NOL7: variants seen among roughly 807,000 people sequenced by gnomAD.
NOL7 encodes the protein nucleolar protein 7.
Under a neutral mutation model 38.4 loss-of-function variants are expected in NOL7, and 36 were observed. The ratio of observed to expected loss-of-function variants is 0.94; its 90% CI spans 0.72 to 1.24. NOL7 has a LOEUF of 1.24. Ranked by LOEUF, NOL7 falls within the 50% of genes most tolerant of loss-of-function variation. NOL7 has a pLI of 0.00. For missense variants in NOL7, 350 were observed against 315.1 expected (o/e 1.11, Z -0.84); for synonymous variants, 142 against 126.5 (o/e 1.12, Z -0.82).
chr6:13,631,110 A>C (rs1452488934), intron 8 of NOL7, among the ~76,000 whole-genome samples: 5 of 152,116 alleles, frequency 3.3e-5, no homozygotes, highest in Non-Finnish European at 5.9e-5. Flanking sequence ...GCCCGGCCTG[A>C]TTTGACTTTT....
At chr6:13,618,698 T>C (rs1303084322) in intron 5 of NOL7, among the ~76,000 whole-genome samples, 3 of 152,026 alleles carry the variant, frequency 2.0e-5, no homozygotes, top group Non-Finnish European at 4.4e-5. Flanking sequence ...AAGACCAGCC[T>C]AGGCAACATG....
downstream of NOL7, among the ~76,000 whole-genome samples, chr6:13,626,410 C>T (rs578066914): frequency 2.2e-4 from 34 of 152,278 alleles, no homozygotes; most frequent in African/African-American, 6.7e-4. Context: ...GGCTTCAAGT[C>T]CAAGCTCCAC....
At chr6:13,620,161 A>G in intron 5 of NOL7, 47 bp from the exon 6 acceptor site, 1 of 1,572,228 alleles carries the variant, frequency 6.4e-7, no homozygotes, top group Non-Finnish European at 8.6e-7. Flanking sequence ...AAAAAAAAGA[A>G]AGTAAGCATG....
intron 3 of NOL7, 26 bp downstream of exon 3, chr6:13,616,547 C>T (rs1380478933): frequency 1.3e-6 from 2 of 1,501,966 alleles, no homozygotes; most frequent in East Asian, 2.3e-5. Flanking sequence ...TTTTATATTA[C>T]TTGCTTATAT....
At chr6:13,622,321 CTA>C (rs1266431211), downstream of NOL7, 4 of 1,458,934 alleles carry the variant, frequency 2.7e-6, no homozygotes, top group East Asian at 4.9e-5. Context: ...TCCATGTTGA[CTA>C]TATGCCACAA....
At chr6:13,622,498 G>A (rs755294768), downstream of NOL7, 1 of 1,550,564 alleles carries the variant, frequency 6.4e-7, no homozygotes, top group Admixed American at 2.1e-5. Flanking sequence ...GGTTTCTGAG[G>A]AAAAATAATT....
downstream of NOL7, chr6:13,622,329 C>T (rs1764474392): frequency 2.0e-6 from 3 of 1,468,514 alleles, no homozygotes; most frequent in Non-Finnish European, 2.7e-6. Flanking sequence ...GACTATATGC[C>T]ACAATATAAG....
chr6:13,632,304 G>A, intron 8 of NOL7: 1 of 1,523,538 alleles, frequency 6.6e-7, no homozygotes, highest in Non-Finnish European at 8.9e-7. Context: ...ACTGCTCAGT[G>A]TTTCACAAAA....
rs1044501947 is a variant in NOL7, at chr6:13,620,153, A to G, written c.501-55A>G. On this transcript the variant is annotated intron_variant, in intron 5 of 7. Coordinates refer to ENST00000451315, the MANE Select transcript of NOL7 (RefSeq NM_016167.5). Reference sequence around the variant, plus strand: ...GCGAGACTCTGTCTCAGGAAGAAAAAAAAAAGAAAGTAAGCATGTGTAATT... The same window carrying G: ...GCGAGACTCTGTCTCAGGAAGAAAAGAAAAAGAAAGTAAGCATGTGTAATT... 3.4e-5 allele frequency: 53 copies of G among 1,565,274 alleles called. 1 individual carries two copies. The South Asian group carries it at 6.2e-4, about 18-fold the overall frequency.
chr6:13,618,758 G>T (rs542200778), intron 5 of NOL7, among the ~76,000 whole-genome samples: 2 of 152,124 alleles, frequency 1.3e-5, no homozygotes, highest in South Asian at 4.1e-4. Flanking sequence ...GGGCGTGCTG[G>T]TGTGCACCTG....
At chr6:13,619,586 C>G (rs762923190) in intron 5 of NOL7, among the ~76,000 whole-genome samples, 2 of 152,230 alleles carry the variant, frequency 1.3e-5, no homozygotes, top group Non-Finnish European at 2.9e-5. Context: ...ATCATGCTGT[C>G]AATTCTCTTT....
In NOL7 at chr6:13,620,784, T is replaced by G; in HGVS notation, c.731T>G (p.Phe244Cys). The G allele has an allele frequency of 1.2e-6, 2 of 1,604,986 alleles. No individual in the cohort carries two copies. The highest frequency in any genetic ancestry group is 1.7e-6 in the Non-Finnish European group (2 of 1,175,832). Reference sequence around the variant, plus strand: ...CAAAAAAAACAAAATGCCAAGAGGTTTAAAAGACGGTGGATGGTCAGAAAG... The same window carrying G: ...CAAAAAAAACAAAATGCCAAGAGGTGTAAAAGACGGTGGATGGTCAGAAAG... ...GIQKKQNAKR[F>C]KRRWMVRKMK... The change falls in exon 8 of 8, where the codon TTT (phenylalanine) becomes TGT (cysteine). Residue 244 changes from phenylalanine to cysteine, a missense_variant. Coordinates refer to ENST00000451315, the MANE Select transcript of NOL7 (RefSeq NM_016167.5).
At chr6:13,625,914 T>C (rs1764589238), downstream of NOL7, 2 of 555,320 alleles carry the variant, frequency 3.6e-6, no homozygotes, top group Admixed American at 5.7e-5. Context: ...TGGGACGCTC[T>C]ACATTTTTGA....
downstream of NOL7, among the ~76,000 whole-genome samples, chr6:13,624,872 C>T (rs531064899): frequency 9.2e-5 from 14 of 152,260 alleles, no homozygotes; most frequent in East Asian, 5.8e-4. Context: ...TTGATCCTGC[C>T]GGGTACTCAC....
Position 13,615,348 on chromosome 6 carries a change from C to A in NOL7, c.-11C>A. The A allele has an allele frequency of 1.4e-6, 2 of 1,476,484 alleles. No individual in the cohort carries two copies. The highest frequency in any genetic ancestry group is 1.8e-6 in the Non-Finnish European group (2 of 1,119,344). 91.5% of individuals were successfully genotyped at this position (1,476,484 alleles called of 1,614,324 possible). On this transcript the variant is annotated 5_prime_UTR_variant, in exon 1 of 8. In the 5' UTR this introduces an upstream ATG that the reference lacks. Transcript: ENST00000451315. ...GGGTCAGAGGTCAGACGGTCTAGCGCTGCGTGGGCCATGGTGCAGCTCCGA... is the reference window on the plus strand; with the variant it reads ...GGGTCAGAGGTCAGACGGTCTAGCGATGCGTGGGCCATGGTGCAGCTCCGA...
chr6:13,616,578 T>A (rs1764295652), intron 3 of NOL7, 57 bp downstream of exon 3: 1 of 1,126,298 alleles, frequency 8.9e-7, no homozygotes, highest in African/African-American at 1.6e-5. Context: ...TTGAATTATA[T>A]ACTGGTACAT....
At chr6:13,625,164 T>A (rs1364595922), downstream of NOL7, among the ~76,000 whole-genome samples, 1 of 152,216 alleles carries the variant, frequency 6.6e-6, no homozygotes, top group Non-Finnish European at 1.5e-5. Context: ...CTAGCCTAAC[T>A]CTTGTGACAA....
Position 13,615,389 on chromosome 6 carries a change from GC to G in NOL7, c.35del (p.Pro12ArgfsTer56). 2 of 1,525,440 alleles carry G rather than the reference GC, an allele frequency of 1.3e-6. No homozygotes were observed. Among genetic ancestry groups the G allele is most frequent in the South Asian group, 1.3e-5 (1 of 79,768 alleles). The allele number at this position is 1,525,440 out of a possible 1,614,324, so 94.5% of individuals were successfully genotyped here. On this transcript the variant is annotated frameshift_variant, in exon 1 of 8. Transcript: ENST00000451315. LOFTEE classifies it high-confidence loss of function. ...GCAGCTCCGACCGCGAGCGTCTCGC[GC>G]CCCGGCGTCGGCGGAGGCGATGGTG... MVQLRPRASR[A>X]PASAEAMVDE...
At chr6:13,628,975 T>C (rs1764700277) in intron 8 of NOL7, among the ~76,000 whole-genome samples, 1 of 63,256 alleles carries the variant, frequency 1.6e-5, no homozygotes, top group Non-Finnish European at 2.8e-5. Context: ...TAGAAATTTA[T>C]CTCAGTGGAA....
Sources: gnomAD v4.1 joint callset for allele counts (sites outside exome capture counted in the v4.1 genomes callset) on GRCh38, gnomAD v4.1.1 for gene constraint, MANE v1.5 for transcripts, NCBI Gene and HGNC (gene_info 2026-07-23, HGNC 2026-07-21) for gene names.